The following C3orf70 variants were observed in gnomAD, a reference collection of about 807,000 sequenced individuals.
C3orf70 encodes chromosome 3 open reading frame 70.
Under a neutral mutation model 20.7 loss-of-function variants are expected in C3orf70, and 15 were observed. That is an observed-to-expected ratio of 0.72 (90% CI 0.48 to 1.11). C3orf70 has a LOEUF of 1.11. Among genes scored for constraint, C3orf70 ranks in the 50% most tolerant of loss-of-function variants. The probability of loss-of-function intolerance (pLI) is 0.00; values close to 1 mark genes in which losing one functional copy is unlikely to be tolerated. For synonymous variants in C3orf70, 161 were observed against 125.7 expected, an observed-to-expected ratio of 1.28 and a Z score of -1.88; for missense variants, 332 against 317.6, an observed-to-expected ratio of 1.05 and a Z score of -0.34.
In C3orf70 at chr3:185,086,163, C is replaced by T. The variant is rs563120095; in HGVS notation, c.197-2600G>A. On this transcript the variant is annotated intron_variant, in intron 1 of 1. Transcript: ENST00000335012. ...AAAGATAGAGGGAAAAGGTGAAGCCCGGCTTTGGGACTTTCCTCACTCCAT... is the reference window on the plus strand; with the variant it reads ...AAAGATAGAGGGAAAAGGTGAAGCCTGGCTTTGGGACTTTCCTCACTCCAT... Among the ~76,000 whole-genome samples, 78 of 152,242 alleles carry T rather than the reference C, an allele frequency of 5.1e-4. 1 individual carries two copies. Among genetic ancestry groups the T allele is most frequent in the African/African-American group, 1.5e-3 (63 of 41,526 alleles).
rs1356364979 is a variant in C3orf70 at position 185,082,085 on chromosome 3, T to C, written c.*922A>G. 1.3e-5 allele frequency: 2 copies of C among 152,166 alleles called. No individual in the cohort carries two copies. The highest frequency in any genetic ancestry group is 2.9e-5 in the Non-Finnish European group (2 of 68,034). 9.4% of individuals were successfully genotyped at this position (152,166 alleles called of 1,614,324 possible). On this transcript the variant is annotated 3_prime_UTR_variant, in exon 2 of 2. Coordinates refer to ENST00000335012, the MANE Select transcript of C3orf70 (RefSeq NM_001025266.3). ...AACTTCCTAAGAGTTTTTCCCAGAC[T>C]TGAAGAACAATTAAAAGCAGAAAAA...
At chr3:185,146,781 TTG>T (rs951852003) in intron 1 of C3orf70, among the ~76,000 whole-genome samples, 8 of 152,226 alleles carry the variant, frequency 5.3e-5, no homozygotes, top group Admixed American at 1.3e-4. Flanking sequence ...GAACCTGATT[TTG>T]TGAGTTTTCC....
At chr3:185,106,851 C>T (rs912493200) in intron 1 of C3orf70, among the ~76,000 whole-genome samples, 1 of 152,198 alleles carries the variant, frequency 6.6e-6, no homozygotes, top group African/African-American at 2.4e-5. Context: ...AAAAGGAGTG[C>T]AAACACATAC....
At chr3:185,092,872 TC>T (rs1715621149) in intron 1 of C3orf70, among the ~76,000 whole-genome samples, 1 of 151,540 alleles carries the variant, frequency 6.6e-6, no homozygotes, top group Non-Finnish European at 1.5e-5. Flanking sequence ...ATGCCTGTAA[TC>T]CCAGCTACTT....
rs1338194481 is a variant in C3orf70, at chr3:185,152,690, G to C, written c.134C>G (p.Ala45Gly). The change falls in exon 1 of 2, where the codon GCC becomes GGC. Residue 45 changes from alanine (A) to glycine (G), a missense_variant. Transcript: ENST00000335012. ...GAAGCACTTGCCATGGCTGTGCGTG[G>C]CACAGATAGACAGCCCGTCGCACGG... ...FQPCDGLSIC[A>G]THSHGKCFKL... 6.3e-7 allele frequency: 1 copy of C among 1,593,990 alleles called. No individual in the cohort carries two copies.
rs1715283167 is a variant in C3orf70 at position 185,079,439 on chromosome 3, C to A, written c.*3568G>T. 6.6e-6 allele frequency: 1 copy of A among 151,922 alleles called. No homozygotes were observed. The highest frequency in any genetic ancestry group is 1.5e-5 in the Non-Finnish European group (1 of 67,996). The allele number at this position is 151,922 out of a possible 1,614,324, so 9.4% of individuals were successfully genotyped here. On this transcript the variant is annotated 3_prime_UTR_variant, in exon 2 of 2. Coordinates refer to ENST00000335012, the MANE Select transcript of C3orf70 (RefSeq NM_001025266.3). ...GTATGACCTTGAATTACAAGTCTTCCCCTCCCAGGAAAGGACTGTTCTTCA... is the reference window on the plus strand; with the variant it reads ...GTATGACCTTGAATTACAAGTCTTCACCTCCCAGGAAAGGACTGTTCTTCA...
intron 1 of C3orf70, among the ~76,000 whole-genome samples, chr3:185,140,969 C>CAAAA (rs35570209): frequency 7.3e-6 from 1 of 136,674 alleles, no homozygotes; most frequent in African/African-American, 2.8e-5. Flanking sequence ...CCCTTGTCAC[C>CAAAA]AAAAAAAAAA....
At chr3:185,105,476 C>T (rs1007689762) in intron 1 of C3orf70, among the ~76,000 whole-genome samples, 4 of 152,250 alleles carry the variant, frequency 2.6e-5, no homozygotes, top group Non-Finnish European at 5.9e-5. Context: ...TCCTTTCATT[C>T]GGCCCATCCC....
intron 1 of C3orf70, among the ~76,000 whole-genome samples, chr3:185,141,384 C>T (rs1229310888): frequency 6.6e-6 from 1 of 151,506 alleles, no homozygotes; most frequent in Admixed American, 6.6e-5. Context: ...CATGTAACTA[C>T]CATACAGCCT....
intron 1 of C3orf70, among the ~76,000 whole-genome samples, chr3:185,148,811 T>C (rs76161644): frequency 3.5e-4 from 54 of 152,334 alleles, no homozygotes; most frequent in African/African-American, 1.3e-3. Context: ...AATGCGCCAT[T>C]ACCCAAATAC....
chr3:185,092,969 G>A (rs1278178813), intron 1 of C3orf70, among the ~76,000 whole-genome samples: 7 of 141,382 alleles, frequency 5.0e-5, no homozygotes, highest in African/African-American at 1.9e-4. Context: ...CTAGCCTGGC[G>A]ACAAAGCAAG....
At chr3:185,103,550 T>A in intron 1 of C3orf70, among the ~76,000 whole-genome samples, 1 of 151,518 alleles carries the variant, frequency 6.6e-6, no homozygotes, top group Non-Finnish European at 1.5e-5. Flanking sequence ...CAGACACTTT[T>A]CAAAAGAAGT....
chr3:185,141,709 TGAA>T (rs1716751556), intron 1 of C3orf70, among the ~76,000 whole-genome samples: 1 of 151,574 alleles, frequency 6.6e-6, no homozygotes, highest in South Asian at 2.1e-4. Flanking sequence ...ATTATAGAAA[TGAA>T]GAATAGGTTA....
chr3:185,110,554 C>CCCCG (rs1716050777), intron 1 of C3orf70, among the ~76,000 whole-genome samples: 3 of 152,088 alleles, frequency 2.0e-5, no homozygotes, highest in African/African-American at 7.3e-5. Context: ...CAGGCCCCCC[C>CCCCG]TCAAAATCTG....
At chr3:185,104,112 G>T (rs540547153) in intron 1 of C3orf70, among the ~76,000 whole-genome samples, 1 of 152,100 alleles carries the variant, frequency 6.6e-6, no homozygotes, top group Non-Finnish European at 1.5e-5. Context: ...ACTGTAAAAC[G>T]GCAATCCACT....
intron 1 of C3orf70, among the ~76,000 whole-genome samples, chr3:185,124,711 C>T (rs1716372662): frequency 6.6e-6 from 1 of 152,012 alleles, no homozygotes; most frequent in African/African-American, 2.4e-5. Context: ...TGTAAAACTC[C>T]TCACTAGACA....
At chr3:185,107,066 T>G (rs974386955) in intron 1 of C3orf70, among the ~76,000 whole-genome samples, 1 of 152,170 alleles carries the variant, frequency 6.6e-6, no homozygotes, top group Non-Finnish European at 1.5e-5. Flanking sequence ...ATCAAATTAC[T>G]AATAAACACC....
In C3orf70 at chr3:185,077,117, TGGTATA is replaced by T. The variant is rs1227045820; in HGVS notation, c.*5884_*5889del. Among the ~76,000 whole-genome samples the T allele has an allele frequency of 2.0e-5, 3 of 149,878 alleles. No homozygotes were observed. Among genetic ancestry groups the T allele is most frequent in the African/African-American group, 7.5e-5 (3 of 40,144 alleles). On this transcript the variant is annotated 3_prime_UTR_variant, in exon 2 of 2. Transcript: ENST00000335012. ...GAGCATAGAGATATTTGCAGAGACA[TGGTATA>T]GGGTGCGGGGTGGGGGGGCACTGTA... is the stretch of plus-strand genomic sequence containing the variant.
At chr3:185,095,263 T>C (rs571347989) in intron 1 of C3orf70, among the ~76,000 whole-genome samples, 26 of 152,300 alleles carry the variant, frequency 1.7e-4, no homozygotes, top group African/African-American at 5.8e-4. Flanking sequence ...ATTTCTAAAA[T>C]TGCAGTCTGA....
Sources: allele counts gnomAD v4.1 joint callset (sites outside exome capture counted in the v4.1 genomes callset), GRCh38; gene constraint gnomAD v4.1.1; transcripts MANE v1.5; gene names NCBI Gene and HGNC (gene_info 2026-07-23, HGNC 2026-07-21).